SLC5A10: variants seen among roughly 807,000 people sequenced by gnomAD.
SLC5A10 encodes sodium/mannose cotransporter SLC5A10.
Under a neutral mutation model 68.9 loss-of-function variants are expected in SLC5A10, and 55 were observed. The observed-to-expected ratio is 0.80, with a 90% confidence interval of 0.64 to 1.00. The LOEUF is 1.00. Ranked by LOEUF, SLC5A10 falls within the 50% of genes least tolerant of loss-of-function variation. The probability of loss-of-function intolerance (pLI) is 0.00; values close to 1 mark genes in which losing one functional copy is unlikely to be tolerated. For synonymous variants in SLC5A10, 344 were observed against 344.8 expected (o/e 1.00, Z 0.02); for missense variants, 732 against 819.3 (o/e 0.89, Z 1.30).
chr17:19,004,831 C>A lies in SLC5A10; in HGVS notation c.983-8579C>A, dbSNP rs528707225. The A allele has an allele frequency of 1.3e-5, 2 of 151,854 alleles. No individual in the cohort carries two copies. Among genetic ancestry groups the A allele is most frequent in the South Asian group, 2.1e-4 (1 of 4,828 alleles). 9.4% of individuals were successfully genotyped at this position (151,854 alleles called of 1,614,324 possible). The stretch of plus-strand genomic sequence containing the variant: ...ACCCCGCCGCCGCCACCTGCGGTCA[C>A]GTGCCGCCCGGGGCGGGGCCGGAAG... On this transcript the variant is annotated intron_variant, in intron 9 of 14. Transcript: ENST00000395645. The surrounding 1 kb of genome is among the most constrained non-coding windows in gnomAD (Gnocchi z 5.4).
intron 5 of SLC5A10, among the ~76,000 whole-genome samples, chr17:18,960,977 A>T (rs2042602904): frequency 6.6e-6 from 1 of 152,110 alleles, no homozygotes; most frequent in Admixed American, 6.5e-5. Context: ...CACCGGGGTG[A>T]GCCACGATCT....
At chr17:18,978,124 A>C (rs779965346) in intron 9 of SLC5A10, 1 of 1,518,120 alleles carries the variant, frequency 6.6e-7, no homozygotes, top group Admixed American at 2.2e-5. Context: ...GGGCTAGTAC[A>C]TCTGCCACAG....
chr17:18,953,107 T>TGGGG (rs1233208633), intron 1 of SLC5A10, among the ~76,000 whole-genome samples: 1 of 148,230 alleles, frequency 6.7e-6, no homozygotes, highest in East Asian at 2.0e-4. Flanking sequence ...GACAGTCTCC[T>TGGGG]GGGGAGAATG....
chr17:19,001,595 T>C (rs2043730834), intron 9 of SLC5A10, among the ~76,000 whole-genome samples: 1 of 152,190 alleles, frequency 6.6e-6, no homozygotes, highest in Admixed American at 6.5e-5. Context: ...AGCAATCACC[T>C]TGTGGGAAGC....
Position 19,021,899 on chromosome 17 carries a change from T to A in SLC5A10, c.*1468T>A, listed in dbSNP as rs761858852. ...TCTGACAGAGCTGGGGGTGTCCATG[T>A]CCTCTCTGGACCTCAGTTCCTGTAA... On this transcript the variant is annotated 3_prime_UTR_variant, in exon 15 of 15. Coordinates refer to ENST00000395645, the MANE Select transcript of SLC5A10 (RefSeq NM_001042450.4). The surrounding 1 kb of genome is among the most constrained non-coding windows in gnomAD (Gnocchi z 4.1). The A allele has an allele frequency of 4.9e-6, 7 of 1,425,162 alleles. No individual in the cohort carries two copies. Among genetic ancestry groups the A allele is most frequent in the Admixed American group, 3.0e-5 (1 of 33,622 alleles). The allele number at this position is 1,425,162 out of a possible 1,614,324, so 88.3% of individuals were successfully genotyped here.
chr17:18,978,784 C>T, intron 9 of SLC5A10: 1 of 1,613,026 alleles, frequency 6.2e-7, no homozygotes, highest in South Asian at 1.1e-5. Flanking sequence ...GGTCAAACAT[C>T]TCCACCACCT....
At chr17:18,980,803 C>T (rs2043112193) in intron 9 of SLC5A10, among the ~76,000 whole-genome samples, 1 of 152,132 alleles carries the variant, frequency 6.6e-6, no homozygotes, top group Non-Finnish European at 1.5e-5. Context: ...AGAAATGCTC[C>T]TGGGTGCCCT....
intron 5 of SLC5A10, among the ~76,000 whole-genome samples, chr17:18,962,017 T>C (rs1366628942): frequency 1.3e-5 from 2 of 152,188 alleles, no homozygotes; most frequent in African/African-American, 2.4e-5. Context: ...GACTTGGCCT[T>C]GGCCTGCCCT....
At chr17:18,980,040 C>A (rs933176195) in intron 9 of SLC5A10, among the ~76,000 whole-genome samples, 1 of 152,058 alleles carries the variant, frequency 6.6e-6, no homozygotes, top group South Asian at 2.1e-4. Context: ...GGGTCCTGAG[C>A]GGGAGGGTGA....
chr17:18,982,357 G>C (rs983037179), intron 9 of SLC5A10, among the ~76,000 whole-genome samples: 2 of 152,244 alleles, frequency 1.3e-5, no homozygotes, highest in African/African-American at 4.8e-5. Flanking sequence ...CACGGGGCCT[G>C]GCCTGGATGA....
chr17:18,991,131 C>T (rs1382829087), intron 9 of SLC5A10, among the ~76,000 whole-genome samples: 1 of 152,248 alleles, frequency 6.6e-6, no homozygotes, highest in African/African-American at 2.4e-5. Flanking sequence ...AGGCATTCGC[C>T]ACCTTGCCTA....
chr17:18,989,560 G>A (rs1223398506), intron 9 of SLC5A10, among the ~76,000 whole-genome samples: 1 of 152,214 alleles, frequency 6.6e-6, no homozygotes, highest in African/African-American at 2.4e-5. Context: ...TGGCTTCTCT[G>A]GACCCAGTTT....
intron 9 of SLC5A10, chr17:18,988,316 C>T: frequency 6.2e-7 from 1 of 1,614,238 alleles, no homozygotes; most frequent in East Asian, 2.2e-5. Context: ...TACTCTCATC[C>T]ACGATGATGT....
chr17:18,977,265 G>A, intron 9 of SLC5A10: 1 of 586,556 alleles, frequency 1.7e-6, no homozygotes, highest in Non-Finnish European at 3.0e-6. Flanking sequence ...GCAAACTAGG[G>A]ACTGTGCCAC....
At position 19,017,237 on chromosome 17, in the gene SLC5A10, G is replaced by A. The variant is rs112313668; in HGVS notation, c.1241+2038G>A. 7.9e-5 allele frequency: 120 copies of A among 1,513,560 alleles called. 1 individual carries two copies. The highest frequency in any genetic ancestry group is 6.8e-4 in the Middle Eastern group (4 of 5,894). The allele number at this position is 1,513,560 out of a possible 1,614,324, so 93.8% of individuals were successfully genotyped here. A position where few individuals can be genotyped will look rare whatever the true frequency, so the allele number is the denominator to read the frequency against. On this transcript the variant is annotated intron_variant, in intron 11 of 14. Transcript: ENST00000395645. The surrounding 1 kb of genome is among the most constrained non-coding windows in gnomAD (Gnocchi z 5.6). ...AGCTGGATAGAGCAGAAAGGGCCCC[G>A]TGCCAGGTGTCAGGCTGGCCAGCTC...
chr17:18,999,246 C>T (rs1401768357), intron 9 of SLC5A10, among the ~76,000 whole-genome samples: 1 of 151,956 alleles, frequency 6.6e-6, no homozygotes, highest in African/African-American at 2.4e-5. Flanking sequence ...CCACTGCACT[C>T]CAGCCTGGGC....
At chr17:18,952,118 C>T, upstream of SLC5A10, 1 of 1,515,776 alleles carries the variant, frequency 6.6e-7, no homozygotes, top group Non-Finnish European at 8.8e-7. Context: ...GTTTAATGAT[C>T]AATGAGCTCC....
At chr17:19,006,142 G>T (rs879335231) in intron 9 of SLC5A10, among the ~76,000 whole-genome samples, 2 of 152,216 alleles carry the variant, frequency 1.3e-5, no homozygotes, top group Non-Finnish European at 2.9e-5. Flanking sequence ...TTCCCCAGTA[G>T]CGACGTTTTG....
rs367615715 is a variant in SLC5A10 at position 18,959,592 on chromosome 17, C to G, written c.289-12C>G. ...CTGCACCTGCAGTCCTCACCTGTCTCTGTCCCCATAGGCCACGTACGTGCT... is the reference window on the plus strand; with the variant it reads ...CTGCACCTGCAGTCCTCACCTGTCTGTGTCCCCATAGGCCACGTACGTGCT... On this transcript the variant is annotated splice_polypyrimidine_tract_variant and intron_variant, in intron 3 of 14. Coordinates refer to ENST00000395645, the MANE Select transcript of SLC5A10 (RefSeq NM_001042450.4). 7 of 1,613,538 alleles carry G rather than the reference C, an allele frequency of 4.3e-6. No homozygotes were observed. The South Asian group carries it at 7.7e-5, about 18-fold the overall frequency.
Sources: allele counts gnomAD v4.1 joint callset (sites outside exome capture counted in the v4.1 genomes callset), GRCh38; gene constraint gnomAD v4.1.1; non-coding constraint Gnocchi (gnomAD v3.1); transcripts MANE v1.5; gene names NCBI Gene and HGNC (gene_info 2026-07-23, HGNC 2026-07-21).